Variants in ZFPM1 observed in about 807,000 individuals in gnomAD.
The protein encoded by ZFPM1 is zinc finger protein, FOG family member 1, also known as zinc finger protein ZFPM1.
A neutral mutation model predicts 46.3 loss-of-function variants in ZFPM1; 28 were observed. That is an observed-to-expected ratio of 0.60 (90% CI 0.45 to 0.83). The LOEUF is 0.83. Ranked by LOEUF, ZFPM1 falls within the 40% of genes least tolerant of loss-of-function variation. The probability of loss-of-function intolerance (pLI) is 0.00; values close to 1 mark genes in which losing one functional copy is unlikely to be tolerated. For synonymous variants in ZFPM1, 957 were observed against 675.9 expected (o/e 1.42, Z -6.45); for missense variants, 1,878 against 1,432.4 (o/e 1.31, Z -5.02).
chr16:88,512,107 A>G (rs956925498), intron 3 of ZFPM1, among the ~76,000 whole-genome samples: 1 of 152,224 alleles, frequency 6.6e-6, no homozygotes, highest in African/African-American at 2.4e-5. Flanking sequence ...GCCACGGGAA[A>G]TGCCAGCCAC....
intron 4 of ZFPM1, among the ~76,000 whole-genome samples, chr16:88,525,350 G>A (rs557350673): frequency 1.9e-4 from 29 of 152,336 alleles, no homozygotes; most frequent in East Asian, 9.6e-4. Context: ...TCACCAGCCC[G>A]ACCCCTTGTA....
intron 1 of ZFPM1, among the ~76,000 whole-genome samples, chr16:88,457,367 C>G (rs1260516599): frequency 1.3e-5 from 2 of 152,252 alleles, no homozygotes; most frequent in African/African-American, 2.4e-5. Context: ...GGCAGCCTGG[C>G]TGACCCTGGT....
rs1315013655 is a variant in ZFPM1 at position 88,534,509 on chromosome 16, C to T, written c.2551C>T (p.Leu851=). 1.4e-5 allele frequency: 20 copies of T among 1,449,918 alleles called. No homozygotes were observed. The highest frequency in any genetic ancestry group is 1.2e-5 in the Non-Finnish European group (13 of 1,105,146). The allele number at this position is 1,449,918 out of a possible 1,614,324, so 89.8% of individuals were successfully genotyped here. Residue 851 remains leucine (L), a synonymous_variant, in exon 10 of 10, where the codon CTG becomes TTG. Coordinates refer to ENST00000319555, the MANE Select transcript of ZFPM1 (RefSeq NM_153813.3). ...PAAPPPGALG[L]PAAACPYCPP... ...TGCGCCACCGCCCGGCGCGCTCGGC[C>T]TGCCCGCCGCCGCCTGCCCCTACTG...
At chr16:88,518,241 G>T (rs959509007) in intron 4 of ZFPM1, among the ~76,000 whole-genome samples, 2 of 152,130 alleles carry the variant, frequency 1.3e-5, no homozygotes, top group Non-Finnish European at 2.9e-5. Flanking sequence ...TGCGTAGATA[G>T]GTGGATGGGT....
Position 88,532,703 on chromosome 16 carries a change from C to A in ZFPM1, c.1036C>A (p.Leu346Met), listed in dbSNP as rs138076531. Residue 346 changes from leucine (L) to methionine (M), a missense_variant, in exon 8 of 10, where the codon CTG becomes ATG. Coordinates refer to ENST00000319555, the MANE Select transcript of ZFPM1 (RefSeq NM_153813.3). ...ERHLKVHTDTLSGVCHSCGFI... is the reference protein window; with the variant it reads ...ERHLKVHTDTMSGVCHSCGFI... ...GCACCTCAAGGTGCACACGGACACG[C>A]TGAGCGGTAGGCACCGCAGGGGCCG... is the stretch of plus-strand genomic sequence containing the variant. The A allele has an allele frequency of 2.5e-6, 4 of 1,611,630 alleles. No individual in the cohort carries two copies. The highest frequency in any genetic ancestry group is 3.4e-6 in the Non-Finnish European group (4 of 1,179,206).
At chr16:88,533,027 G>C (rs547653489) in intron 9 of ZFPM1, 92 bp downstream of exon 9, 2 of 1,550,316 alleles carry the variant, frequency 1.3e-6, no homozygotes, top group Non-Finnish European at 1.7e-6. Context: ...GTGGGGGTCC[G>C]TTTCAGCCTT....
intron 1 of ZFPM1, among the ~76,000 whole-genome samples, chr16:88,473,969 C>T (rs1485197618): frequency 6.6e-6 from 1 of 152,224 alleles, no homozygotes; most frequent in Non-Finnish European, 1.5e-5. Context: ...TGTAATCTAT[C>T]AGTGGCTATC....
intron 6 of ZFPM1, among the ~76,000 whole-genome samples, chr16:88,531,646 C>T (rs988390646): frequency 6.6e-6 from 1 of 152,238 alleles, no homozygotes; most frequent in African/African-American, 2.4e-5. Context: ...CGGGTCCACA[C>T]GGTCACCCCA....
At chr16:88,491,091 C>CGCTGGTGCCTTCGGGGGTCCCAGTCAGGT (rs1555524821) in intron 3 of ZFPM1, among the ~76,000 whole-genome samples, 153 of 150,748 alleles carry the variant, frequency 1.0e-3, no homozygotes, top group African/African-American at 3.4e-3. Context: ...CCCAGTCAGG[C>CGCTGGTGCCTTCGGGGGTCCCAGTCAGGT]GCTGGTGCCT....
chr16:88,501,960 C>T (rs1229070792), intron 3 of ZFPM1, among the ~76,000 whole-genome samples: 5 of 152,086 alleles, frequency 3.3e-5, no homozygotes, highest in African/African-American at 9.7e-5. Context: ...GAGACCAGGC[C>T]GGTGAGCCCT....
At chr16:88,508,013 T>A (rs1163804981) in intron 3 of ZFPM1, among the ~76,000 whole-genome samples, 1 of 152,102 alleles carries the variant, frequency 6.6e-6, no homozygotes, top group Non-Finnish European at 1.5e-5. Flanking sequence ...AAGTTGCTGG[T>A]GGGCCGGGCA....
chr16:88,516,468 G>A, intron 4 of ZFPM1: 2 of 398,392 alleles, frequency 5.0e-6, no homozygotes, highest in East Asian at 7.1e-5. Context: ...TCTGTGGGGA[G>A]CCCGGGGAGG....
rs770790777 is a variant in ZFPM1 at position 88,534,101 on chromosome 16, C to T, written c.2143C>T (p.Arg715Cys). 110 of 1,177,568 alleles carry T rather than the reference C, an allele frequency of 9.3e-5. No individual in the cohort carries two copies. Among genetic ancestry groups the T allele is most frequent in the Non-Finnish European group, 1.1e-4 (107 of 932,322 alleles). The allele number at this position is 1,177,568 out of a possible 1,614,324, so 72.9% of individuals were successfully genotyped here. ...YCASRHDPPP[R>C]RPAAPPGPPG... ...CGCCTCGCGCCACGACCCGCCGCCG[C>T]GCCGACCGGCCGCGCCCCCGGGACC... The change falls in exon 10 of 10, where the codon CGC (arginine) becomes TGC (cysteine). Residue 715 changes from arginine to cysteine, a missense_variant. Transcript: ENST00000319555.
chr16:88,505,457 C>T (rs1227493390), intron 3 of ZFPM1, among the ~76,000 whole-genome samples: 1 of 152,206 alleles, frequency 6.6e-6, no homozygotes, highest in Non-Finnish European at 1.5e-5. Context: ...GGCTGACAGT[C>T]CAGCAGGAAG....
At chr16:88,467,933 C>G (rs1597231092) in intron 1 of ZFPM1, among the ~76,000 whole-genome samples, 1 of 152,218 alleles carries the variant, frequency 6.6e-6, no homozygotes, top group Middle Eastern at 3.4e-3. Context: ...GGCCCCCCTT[C>G]CCCTTATCTC....
upstream of ZFPM1, among the ~76,000 whole-genome samples, chr16:88,452,481 C>T (rs1322633542): frequency 6.6e-6 from 1 of 152,254 alleles, no homozygotes; most frequent in East Asian, 1.9e-4. Context: ...GGCTCCCGCG[C>T]CCCCTCCTCG....
In ZFPM1 at chr16:88,480,006, C is replaced by G. The variant is rs999023565; in HGVS notation, c.41-5933C>G. On this transcript the variant is annotated intron_variant, in intron 1 of 9. Transcript: ENST00000319555. The surrounding 1 kb of genome is among the most constrained non-coding windows in gnomAD (Gnocchi z 4.9). ...GACAACCTCACATCTGCGCCCAGCGCCCACTGCCAACACCTGGCTGAGTCC... is the reference window on the plus strand; with the variant it reads ...GACAACCTCACATCTGCGCCCAGCGGCCACTGCCAACACCTGGCTGAGTCC... Among the ~76,000 whole-genome samples the G allele has an allele frequency of 1.3e-5, 2 of 151,850 alleles. No individual in the cohort carries two copies. Among genetic ancestry groups the G allele is most frequent in the African/African-American group, 4.8e-5 (2 of 41,284 alleles).
rs1909421628 is a variant in ZFPM1, at chr16:88,489,295, G to A, written c.268+142G>A. On this transcript the variant is annotated intron_variant, in intron 3 of 9. Coordinates refer to ENST00000319555, the MANE Select transcript of ZFPM1 (RefSeq NM_153813.3). Reference sequence around the variant, plus strand: ...GGCCCAGGCCTGTGCCTAGTCCAAAGCTCAGCCAACCCGTGCAGCTGGTGG... The same window carrying A: ...GGCCCAGGCCTGTGCCTAGTCCAAAACTCAGCCAACCCGTGCAGCTGGTGG... 3 of 1,319,144 alleles carry A rather than the reference G, an allele frequency of 2.3e-6. No homozygotes were observed. In the African/African-American group the frequency reaches 4.5e-5, roughly 20 times the overall value. 81.7% of individuals were successfully genotyped at this position (1,319,144 alleles called of 1,614,324 possible).
intron 3 of ZFPM1, among the ~76,000 whole-genome samples, chr16:88,509,997 C>T (rs909038097): frequency 1.3e-5 from 2 of 152,104 alleles, no homozygotes; most frequent in African/African-American, 4.8e-5. Flanking sequence ...GGCCAAGTCC[C>T]AGGGGGCAGC....
Sources: allele counts gnomAD v4.1 joint callset (sites outside exome capture counted in the v4.1 genomes callset), GRCh38; gene constraint gnomAD v4.1.1; non-coding constraint Gnocchi (gnomAD v3.1); transcripts MANE v1.5; gene names NCBI Gene and HGNC (gene_info 2026-07-23, HGNC 2026-07-21).